Variants in NEDD4L observed in about 807,000 individuals in gnomAD.
The protein encoded by NEDD4L is E3 ubiquitin-protein ligase NEDD4-like.
Under a neutral mutation model 148.9 loss-of-function variants are expected in NEDD4L, and 54 were observed. That is an observed-to-expected ratio of 0.36 (90% CI 0.29 to 0.45). The LOEUF is 0.45. Among genes scored for constraint, NEDD4L ranks in the 20% least tolerant of loss-of-function variants. The pLI is 1.00. For missense variants in NEDD4L, 856 were observed against 1,233.8 expected, an observed-to-expected ratio of 0.69 and a Z score of 4.59; for synonymous variants, 433 against 440.7, an observed-to-expected ratio of 0.98 and a Z score of 0.22.
chr18:58,346,422 A>G (rs955173125), intron 16 of NEDD4L, among the ~76,000 whole-genome samples: 2 of 152,166 alleles, frequency 1.3e-5, no homozygotes, highest in African/African-American at 4.8e-5. Flanking sequence ...GGGATGTTCA[A>G]CGCATATTAG....
At chr18:58,318,962 T>G (rs1449280983) in intron 6 of NEDD4L, among the ~76,000 whole-genome samples, 1 of 152,238 alleles carries the variant, frequency 6.6e-6, no homozygotes. Context: ...GACTCTGGAA[T>G]TTAAATTTTC....
chr18:58,254,100 A>G (rs1661802328), intron 5 of NEDD4L, among the ~76,000 whole-genome samples: 1 of 151,972 alleles, frequency 6.6e-6, no homozygotes, highest in African/African-American at 2.4e-5. Flanking sequence ...TCTCTCATAG[A>G]GGTCATTTTT....
At chr18:58,195,252 G>A (rs563056099) in intron 2 of NEDD4L, 123 of 409,008 alleles carry the variant, frequency 3.0e-4, no homozygotes, top group Middle Eastern at 9.1e-4. Context: ...ATGGCAAGTT[G>A]GCTGTTATCA....
intron 2 of NEDD4L, among the ~76,000 whole-genome samples, chr18:58,183,764 T>C (rs1310130380): frequency 6.6e-6 from 1 of 152,274 alleles, no homozygotes; most frequent in East Asian, 1.9e-4. Context: ...AAAAGACTTT[T>C]TGTTATCCTG....
intron 1 of NEDD4L, among the ~76,000 whole-genome samples, chr18:58,153,561 C>A (rs1294095360): frequency 6.6e-6 from 1 of 151,444 alleles, no homozygotes; most frequent in East Asian, 1.9e-4. Context: ...GCTGGTCTCG[C>A]AAACTCCTGA....
chr18:58,132,523 G>C lies in NEDD4L; in HGVS notation c.49-33265G>C, dbSNP rs1030102853. On this transcript the variant is annotated intron_variant, in intron 1 of 30. Coordinates refer to ENST00000400345, the MANE Select transcript of NEDD4L (RefSeq NM_001144967.3). Reference sequence around the variant, plus strand: ...TATTGTCAGATGGGGTAGTGGTACAGTTCCTTGTTCCAGAATGCTCTTAGC... The same window carrying C: ...TATTGTCAGATGGGGTAGTGGTACACTTCCTTGTTCCAGAATGCTCTTAGC... 5.3e-5 allele frequency among the ~76,000 whole-genome samples: 8 copies of C among 152,330 alleles called. No homozygotes were observed. The South Asian group carries it at 1.7e-3, about 32-fold the overall frequency.
At chr18:58,263,660 C>CTTTTTTTTTT (rs71173041) in intron 5 of NEDD4L, among the ~76,000 whole-genome samples, 4 of 103,690 alleles carry the variant, frequency 3.9e-5, no homozygotes, top group Non-Finnish European at 5.7e-5. Flanking sequence ...ACTTCTTAGG[C>CTTTTTTTTTT]TTTTTTTTTT....
At chr18:58,379,949 C>T (rs944682459) in intron 24 of NEDD4L, among the ~76,000 whole-genome samples, 2 of 152,016 alleles carry the variant, frequency 1.3e-5, no homozygotes, top group Middle Eastern at 3.2e-3. Context: ...TCCTCACTCC[C>T]CCACAGAGAA....
In NEDD4L at chr18:58,373,217, A is replaced by G; in HGVS notation, c.2300A>G (p.Asp767Gly). The change falls in exon 24 of 31, where the codon GAC (aspartate) becomes GGC (glycine). Residue 767 changes from aspartate to glycine, a missense_variant. Transcript: ENST00000400345. ...YNSLKWILENDPTELDLMFCI... is the reference protein window; with the variant it reads ...YNSLKWILENGPTELDLMFCI... ...TCTTTGAAATGGATCCTGGAGAATG[A>G]CCCTACTGAGCTGGACCTCATGTTC... The G allele has an allele frequency of 6.3e-7, 1 of 1,579,306 alleles. No homozygotes were observed. The highest frequency in any genetic ancestry group is 2.3e-5 in the East Asian group (1 of 43,878).
At chr18:58,057,151 G>A (rs775360277) in intron 1 of NEDD4L, among the ~76,000 whole-genome samples, 4 of 151,906 alleles carry the variant, frequency 2.6e-5, no homozygotes, top group Non-Finnish European at 5.9e-5. Flanking sequence ...AAATGCCCCT[G>A]GCTTCGTGAA....
At chr18:58,090,176 T>G (rs1437307668) in intron 1 of NEDD4L, among the ~76,000 whole-genome samples, 1 of 152,164 alleles carries the variant, frequency 6.6e-6, no homozygotes, top group Non-Finnish European at 1.5e-5. Flanking sequence ...TTATCTGTGG[T>G]TCTTAGTTAG....
intron 26 of NEDD4L, 36 bp from the exon 27 acceptor site, chr18:58,387,403 A>G: frequency 6.7e-7 from 1 of 1,499,196 alleles, no homozygotes. Context: ...TTTTGAAGGC[A>G]ATAGGTGTTT....
intron 1 of NEDD4L, among the ~76,000 whole-genome samples, chr18:58,072,259 AC>A (rs1304908398): frequency 1.1e-4 from 17 of 152,322 alleles, no homozygotes; most frequent in African/African-American, 4.1e-4. Context: ...CAAACTAAAG[AC>A]ATCACAAGAA....
intron 1 of NEDD4L, among the ~76,000 whole-genome samples, chr18:58,142,440 G>A (rs2033656227): frequency 6.6e-6 from 1 of 152,134 alleles, no homozygotes; most frequent in Non-Finnish European, 1.5e-5. Flanking sequence ...CTTTCAGAAG[G>A]AATGTCTTGT....
At position 58,341,926 on chromosome 18, in the gene NEDD4L, G is replaced by A. The variant is rs188174345; in HGVS notation, c.1377+129G>A. 3.3e-5 allele frequency: 35 copies of A among 1,068,580 alleles called. No homozygotes were observed. The African/African-American group carries it at 4.2e-4, about 13-fold the overall frequency. 66.2% of individuals were successfully genotyped at this position (1,068,580 alleles called of 1,614,324 possible). A position where few individuals can be genotyped will look rare whatever the true frequency, so the allele number is the denominator to read the frequency against. ...GATCAGTCGTTGTGTTGGTAGTGAA[G>A]GGTGTTCTTGTGCAGCCTTTCTACC... On this transcript the variant is annotated intron_variant, in intron 15 of 30. Coordinates refer to ENST00000400345, the MANE Select transcript of NEDD4L (RefSeq NM_001144967.3).
chr18:58,066,243 G>T (rs1206146146), intron 1 of NEDD4L, among the ~76,000 whole-genome samples: 6 of 151,722 alleles, frequency 4.0e-5, no homozygotes, highest in Non-Finnish European at 1.5e-5. Flanking sequence ...AAGTTAGGTG[G>T]TTCTGAGTTT....
chr18:58,107,181 ATCTTAACTTAT>A (rs566207427), intron 1 of NEDD4L, among the ~76,000 whole-genome samples: 1 of 152,210 alleles, frequency 6.6e-6, no homozygotes, highest in South Asian at 2.1e-4. Context: ...TATTGACCTC[ATCTTAACTTAT>A]TTACTCCTTT....
At chr18:58,244,466 A>G (rs889664417) in intron 2 of NEDD4L, among the ~76,000 whole-genome samples, 1 of 152,248 alleles carries the variant, frequency 6.6e-6, no homozygotes, top group Non-Finnish European at 1.5e-5. Context: ...GATAGTCCGC[A>G]GTAATCCTTT....
intron 2 of NEDD4L, among the ~76,000 whole-genome samples, chr18:58,199,417 A>G (rs1266219094): frequency 6.6e-6 from 1 of 151,990 alleles, no homozygotes; most frequent in African/African-American, 2.4e-5. Flanking sequence ...GTGCTGCTCC[A>G]CTTTCTACAT....
Sources: gnomAD v4.1 joint callset for allele counts (sites outside exome capture counted in the v4.1 genomes callset) on GRCh38, gnomAD v4.1.1 for gene constraint, MANE v1.5 for transcripts, NCBI Gene and HGNC (gene_info 2026-07-23, HGNC 2026-07-21) for gene names.